ZNF480: variants seen among roughly 807,000 people sequenced by gnomAD.
ZNF480 encodes zinc finger protein 480.
In ZNF480, 15 loss-of-function variants were observed where a neutral mutation model predicts 14.4. The ratio of observed to expected loss-of-function variants is 1.04; its 90% CI spans 0.70 to 1.60. ZNF480 has a LOEUF of 1.60. Among genes scored for constraint, ZNF480 ranks in the 40% most tolerant of loss-of-function variants. The pLI is 0.00. For missense variants in ZNF480, 593 were observed against 629.7 expected (o/e 0.94, Z 0.62); for synonymous variants, 218 against 215.5 (o/e 1.01, Z -0.10).
chr19:52,313,120 C>T (rs906941548), intron 2 of ZNF480, among the ~76,000 whole-genome samples: 1 of 143,080 alleles, frequency 7.0e-6, no homozygotes, highest in African/African-American at 2.7e-5. Flanking sequence ...CGCGCCCAGC[C>T]TATAATTCTT....
chr19:52,311,321 T>G (rs1041236870), intron 2 of ZNF480, among the ~76,000 whole-genome samples: 2 of 151,734 alleles, frequency 1.3e-5, no homozygotes, highest in Non-Finnish European at 2.9e-5. Context: ...CCATCTCAAT[T>G]TTTTAAAATA....
At chr19:52,314,474 A>C (rs1334589030) in intron 3 of ZNF480, among the ~76,000 whole-genome samples, 195 bp downstream of exon 3, 2 of 11,476 alleles carry the variant, frequency 1.7e-4, no homozygotes, top group South Asian at 3.6e-3. Context: ...ACTCCGTCCC[A>C]AAAAAAAAAA....
At chr19:52,303,107 C>T (rs764924942) in intron 2 of ZNF480, among the ~76,000 whole-genome samples, 3 of 152,154 alleles carry the variant, frequency 2.0e-5, no homozygotes, top group Non-Finnish European at 2.9e-5. Flanking sequence ...CATTGACAGG[C>T]ATCTTAAAAG....
chr19:52,300,193 AG>A (rs1223547838), intron 1 of ZNF480, among the ~76,000 whole-genome samples, 200 bp from the exon 2 acceptor site: 1 of 152,168 alleles, frequency 6.6e-6, no homozygotes, highest in Non-Finnish European at 1.5e-5. Flanking sequence ...CATCTCTAGG[AG>A]GGGAGCAGGT....
At position 52,322,633 on chromosome 19, in the gene ZNF480, C is replaced by T; in HGVS notation, c.1383C>T (p.Gly461=). 1 of 1,613,888 alleles carries T rather than the reference C, an allele frequency of 6.2e-7. No homozygotes were observed. The change falls in exon 5 of 5, where the codon GGC becomes GGT. Residue 461 remains glycine, a synonymous_variant. Transcript: ENST00000595962. ...GEKPYKCSEC[G]KAFRHKLSLT... ...AGCCTTACAAATGTAGTGAATGTGG[C>T]AAGGCATTCAGACACAAGTTATCAC...
At chr19:52,313,027 G>A (rs949531310) in intron 2 of ZNF480, among the ~76,000 whole-genome samples, 2 of 151,996 alleles carry the variant, frequency 1.3e-5, no homozygotes, top group Non-Finnish European at 2.9e-5. Flanking sequence ...CACCATGTTG[G>A]CCAGGATGGT....
intron 3 of ZNF480, among the ~76,000 whole-genome samples, chr19:52,314,850 C>T (rs1057220283): frequency 2.0e-5 from 3 of 151,980 alleles, no homozygotes; most frequent in African/African-American, 7.2e-5. Context: ...ACCTTGTTGA[C>T]TCAGAAATGA....
chr19:52,301,110 T>A (rs968068014), intron 2 of ZNF480: 1 of 152,620 alleles, frequency 6.6e-6, no homozygotes, highest in Non-Finnish European at 1.5e-5. Context: ...TTTCTGTTTT[T>A]GCAAAGTGAC....
intron 2 of ZNF480, among the ~76,000 whole-genome samples, chr19:52,308,219 G>A (rs544824437): frequency 3.9e-4 from 59 of 152,104 alleles, no homozygotes; most frequent in African/African-American, 1.3e-3. Flanking sequence ...GAAGCTGCAC[G>A]TGGAAGTCAT....
chr19:52,316,393 T>C (rs1191906982), intron 4 of ZNF480, among the ~76,000 whole-genome samples: 6 of 152,018 alleles, frequency 3.9e-5, no homozygotes, highest in Admixed American at 2.6e-4. Context: ...GCCTGGCTAA[T>C]TTTTGTTTGT....
chr19:52,316,422 G>T (rs755745185), intron 4 of ZNF480, among the ~76,000 whole-genome samples: 5 of 152,002 alleles, frequency 3.3e-5, no homozygotes, highest in Non-Finnish European at 7.4e-5. Flanking sequence ...TTAAGACAGG[G>T]TTTCACTATG....
chr19:52,317,144 A>C (rs1355398238), intron 4 of ZNF480, among the ~76,000 whole-genome samples: 1 of 151,744 alleles, frequency 6.6e-6, no homozygotes, highest in African/African-American at 2.4e-5. Flanking sequence ...CAGCCTCCCA[A>C]ACAGCTAGGA....
rs768709943 is a variant in ZNF480 at position 52,322,521 on chromosome 19, A to C, written c.1271A>C (p.Glu424Ala). 1.4e-5 allele frequency: 23 copies of C among 1,614,046 alleles called. No homozygotes were observed. The highest frequency in any genetic ancestry group is 1.9e-5 in the Non-Finnish European group (23 of 1,180,008). Reference protein sequence around the residue: ...LARHRRIHTGEKPYKCNECGK... With the variant: ...LARHRRIHTGAKPYKCNECGK... The stretch of plus-strand genomic sequence containing the variant: ...CGACATCGAAGAATTCATACTGGAG[A>C]GAAGCCTTACAAATGTAATGAATGT... The change falls in exon 5 of 5, where the codon GAG (glutamate) becomes GCG (alanine). Residue 424 changes from glutamate to alanine, a missense_variant. Physicochemically the swap from Glu to Ala is moderately radical, Grantham distance 107. Coordinates refer to ENST00000595962, the MANE Select transcript of ZNF480 (RefSeq NM_144684.4).
chr19:52,318,330 A>G (rs1346421167), intron 4 of ZNF480, among the ~76,000 whole-genome samples: 1 of 151,512 alleles, frequency 6.6e-6, no homozygotes, highest in Non-Finnish European at 1.5e-5. Flanking sequence ...CTGGTCTTGA[A>G]CTCCTGACCT....
In ZNF480 at chr19:52,300,522, T is replaced by C. The variant is rs200972697; in HGVS notation, c.72+38T>C. The C allele has an allele frequency of 7.2e-5, 115 of 1,606,606 alleles. No homozygotes were observed. The Admixed American group carries it at 7.8e-4, about 11-fold the overall frequency. ...TCTCGGTGGATTGTTCTGTCTCCTT[T>C]CTTTCAGAAACGCTGGGCCTTCGAG... On this transcript the variant is annotated intron_variant, in intron 2 of 4. Coordinates refer to ENST00000595962, the MANE Select transcript of ZNF480 (RefSeq NM_144684.4).
intron 4 of ZNF480, among the ~76,000 whole-genome samples, chr19:52,317,168 C>T (rs922505283): frequency 6.6e-6 from 1 of 151,868 alleles, no homozygotes; most frequent in Admixed American, 6.6e-5. Context: ...CAGGTGCACA[C>T]CACCATACCC....
intron 4 of ZNF480, among the ~76,000 whole-genome samples, chr19:52,320,230 A>G (rs1362536922): frequency 6.6e-6 from 1 of 152,210 alleles, no homozygotes; most frequent in Admixed American, 6.5e-5. Context: ...TTTCAGCTCC[A>G]GAATGTTTTT....
rs541984473 is a variant in ZNF480, at chr19:52,297,211, C to T, written c.-32C>T. 9.1e-6 allele frequency: 4 copies of T among 440,212 alleles called. No homozygotes were observed. Among genetic ancestry groups the T allele is most frequent in the African/African-American group, 2.1e-5 (1 of 47,884 alleles). The allele number at this position is 440,212 out of a possible 1,614,324, so 27.3% of individuals were successfully genotyped here. On this transcript the variant is annotated 5_prime_UTR_variant, in exon 1 of 5. Coordinates refer to ENST00000595962, the MANE Select transcript of ZNF480 (RefSeq NM_144684.4). ...GAAGCGGATCGCGTGGAGTGAAGGT[C>T]ACGCCGCGGCGCGTGAGTTTCCCTT...
At chr19:52,317,955 ATT>A (rs1240546770) in intron 4 of ZNF480, among the ~76,000 whole-genome samples, 1 of 151,610 alleles carries the variant, frequency 6.6e-6, no homozygotes, top group African/African-American at 2.4e-5. Flanking sequence ...TTCTATTTGC[ATT>A]TCTCTCTAAT....
Sources: gnomAD v4.1 joint callset for allele counts (sites outside exome capture counted in the v4.1 genomes callset) on GRCh38, gnomAD v4.1.1 for gene constraint, MANE v1.5 for transcripts, NCBI Gene and HGNC (gene_info 2026-07-23, HGNC 2026-07-21) for gene names.